The following HNRNPH1 variants were observed in gnomAD, a reference collection of about 807,000 sequenced individuals.
The protein encoded by HNRNPH1 is heterogeneous nuclear ribonucleoprotein H1.
A neutral mutation model predicts 58.6 loss-of-function variants in HNRNPH1; 4 were observed. The ratio of observed to expected loss-of-function variants is 0.07; its 90% CI spans 0.03 to 0.16. The LOEUF (loss-of-function observed/expected upper bound fraction) is 0.16. Among genes scored for constraint, HNRNPH1 ranks in the 10% least tolerant of loss-of-function variants. The probability of loss-of-function intolerance (pLI) is 1.00; values close to 1 mark genes in which losing one functional copy is unlikely to be tolerated. For missense variants in HNRNPH1, 271 were observed against 564.2 expected, an observed-to-expected ratio of 0.48 and a Z score of 5.26; for synonymous variants, 192 against 189.2, an observed-to-expected ratio of 1.01 and a Z score of -0.12.
chr5:179,615,510 C>T, intron 12 of HNRNPH1, 36 bp downstream of exon 13: 2 of 1,112,988 alleles, frequency 1.8e-6, no homozygotes, highest in Non-Finnish European at 1.4e-6. Context: ...TCAGTATTTG[C>T]TATTGGGAAT....
chr5:179,622,530 G>A (rs1772974605), intron 1 of HNRNPH1, among the ~76,000 whole-genome samples: 2 of 152,122 alleles, frequency 1.3e-5, no homozygotes, highest in South Asian at 4.1e-4. Context: ...GGCCAAAATA[G>A]TGAAACCCCG....
intron 2 of HNRNPH1, among the ~76,000 whole-genome samples, chr5:179,633,480 T>G (rs1775016480): frequency 6.8e-6 from 1 of 146,140 alleles, no homozygotes; most frequent in African/African-American, 2.6e-5. Context: ...TTTTTTTTTT[T>G]TTTTTGTATT....
At chr5:179,618,040 AATC>A in exon 6 of HNRNPH1, 1 of 1,614,132 alleles carries the variant, frequency 6.2e-7, no homozygotes, top group Non-Finnish European at 8.5e-7. Flanking sequence ...TAGCCATTGT[AATC>A]ATCATAGCCT....
chr5:179,632,779 C>G lies in HNRNPH1; in HGVS notation c.-32+1286G>C, dbSNP rs1202267996. Reference sequence around the variant, plus strand: ...TTTTTTTTTTTTTTTTTTTTTGAGACGGAGTCTCGCTCTTGTTGCCCAGGC... The same window carrying G: ...TTTTTTTTTTTTTTTTTTTTTGAGAGGGAGTCTCGCTCTTGTTGCCCAGGC... On this transcript the variant is annotated intron_variant, in intron 2 of 4. Coordinates refer to the HNRNPH1 transcript ENST00000521116. 5.5e-4 allele frequency among the ~76,000 whole-genome samples: 32 copies of G among 58,660 alleles called. 2 individuals are homozygous for G. Among genetic ancestry groups the G allele is most frequent in the Non-Finnish European group, 1.0e-3 (31 of 30,498 alleles). The allele number at this position is 58,660 out of a possible 152,430, so 38.5% of individuals were successfully genotyped here. A position where few individuals can be genotyped will look rare whatever the true frequency, so the allele number is the denominator to read the frequency against.
At chr5:179,621,457 CAG>C in intron 1 of HNRNPH1, 60 bp from the exon 3 acceptor site, 1 of 1,434,134 alleles carries the variant, frequency 7.0e-7, no homozygotes, top group South Asian at 1.2e-5. Flanking sequence ...CTGGGTGACA[CAG>C]ATGAAATGTC....
At chr5:179,622,195 AG>A (rs1246079569) in intron 1 of HNRNPH1, among the ~76,000 whole-genome samples, 1 of 152,098 alleles carries the variant, frequency 6.6e-6, no homozygotes, top group Non-Finnish European at 1.5e-5. Context: ...GAACTAGATA[AG>A]AAAACACTCT....
intron 4 of HNRNPH1, chr5:179,618,614 T>C (rs1454548102): frequency 4.2e-6 from 1 of 240,406 alleles, no homozygotes; most frequent in Admixed American, 5.1e-5. Context: ...GGGAAATAAT[T>C]CCACTCAACT....
At chr5:179,617,369 C>CA in intron 8 of HNRNPH1, 145 bp downstream of exon 9, 2 of 994,524 alleles carry the variant, frequency 2.0e-6, no homozygotes, top group Non-Finnish European at 1.5e-6. Flanking sequence ...CCCAAACCTT[C>CA]AACACACTGC....
Position 179,633,080 on chromosome 5 carries a change from A to G in HNRNPH1, c.-32+985T>C, listed in dbSNP as rs117699465. ...CACCATGTTGATCAAGATGATCTCA[A>G]TCTCTTGACCTCGTGATCCACCTGC... On this transcript the variant is annotated intron_variant, in intron 2 of 4. Coordinates refer to the HNRNPH1 transcript ENST00000521116. 7.4e-4 allele frequency among the ~76,000 whole-genome samples: 112 copies of G among 151,802 alleles called. 2 individuals carry two copies. In the East Asian group the frequency reaches 0.02, roughly 27 times the overall value.
intron 3 of HNRNPH1, chr5:179,619,988 C>T (rs1771545265): frequency 1.3e-5 from 2 of 152,184 alleles, no homozygotes; most frequent in African/African-American, 2.4e-5. Flanking sequence ...ATGAAAAATC[C>T]TTTCCGTGGA....
At chr5:179,618,084 CAAAT>C (rs1285874268) in intron 5 of HNRNPH1, 24 bp from the exon 7 acceptor site, 1 of 1,613,500 alleles carries the variant, frequency 6.2e-7, no homozygotes. Context: ...TACAATCAAT[CAAAT>C]AAAACACCTA....
chr5:179,625,345 A>C (rs1447715403), upstream of HNRNPH1, among the ~76,000 whole-genome samples: 3 of 52,892 alleles, frequency 5.7e-5, no homozygotes, highest in Middle Eastern at 0.014. Context: ...AAGATACAAA[A>C]ATTATCTATG....
exon 3 of HNRNPH1, chr5:179,620,993 T>C: frequency 6.2e-7 from 1 of 1,614,138 alleles, no homozygotes; most frequent in Non-Finnish European, 8.5e-7. Context: ...TGGACCAGTA[T>C]GCTTCAACAC....
Position 179,621,051 on chromosome 5 carries a change from A to G in HNRNPH1, c.254-16T>C. The G allele has an allele frequency of 6.2e-7, 1 of 1,611,278 alleles. No individual in the cohort carries two copies. The highest frequency in any genetic ancestry group is 8.5e-7 in the Non-Finnish European group (1 of 1,177,910). ...GACTTGAATACTGAAAGAGGTGCTT[A>G]GAATTAGTCACTTTTGGAAAATTAG... On this transcript the variant is annotated splice_polypyrimidine_tract_variant and intron_variant, in intron 2 of 12. Transcript: ENST00000356731.
chr5:179,616,426 G>A (rs962321598), intron 10 of HNRNPH1: 19 of 581,896 alleles, frequency 3.3e-5, no homozygotes, highest in South Asian at 1.2e-4. Context: ...AAGTGCTAAC[G>A]GTACACACAT....
At chr5:179,631,169 A>G (rs1742960974) in intron 2 of HNRNPH1, among the ~76,000 whole-genome samples, 1 of 150,370 alleles carries the variant, frequency 6.7e-6, no homozygotes, top group African/African-American at 2.4e-5. Flanking sequence ...AGGTAACATA[A>G]TGGTTTGTTG....
intron 8 of HNRNPH1, 79 bp from the exon 10 acceptor site, chr5:179,617,189 C>T: frequency 1.4e-6 from 2 of 1,384,230 alleles, no homozygotes; most frequent in South Asian, 2.4e-5. Context: ...AGTTTTTAAA[C>T]AAGCAGATCT....
intron 2 of HNRNPH1, among the ~76,000 whole-genome samples, chr5:179,632,593 G>A (rs1009945726): frequency 9.9e-5 from 15 of 152,200 alleles, no homozygotes; most frequent in African/African-American, 3.1e-4. Context: ...AGAAGGGTCT[G>A]CCCGACGGCC....
intron 2 of HNRNPH1, 42 bp from the exon 4 acceptor site, chr5:179,621,077 A>G (rs1581702413): frequency 3.1e-6 from 5 of 1,602,520 alleles, no homozygotes; most frequent in Admixed American, 3.4e-5. Flanking sequence ...GGAAAATTAG[A>G]TAACAAAGTT....
Sources: allele counts gnomAD v4.1 joint callset (sites outside exome capture counted in the v4.1 genomes callset), GRCh38; gene constraint gnomAD v4.1.1; transcripts MANE v1.5; gene names NCBI Gene and HGNC (gene_info 2026-07-23, HGNC 2026-07-21).